Variants in SLC7A5 observed in about 807,000 individuals in gnomAD.
The protein encoded by SLC7A5 is solute carrier family 7 member 5.
Under a neutral mutation model 50.2 loss-of-function variants are expected in SLC7A5, and 23 were observed. The ratio of observed to expected loss-of-function variants is 0.46; its 90% CI spans 0.33 to 0.65. The LOEUF is 0.65. Among genes scored for constraint, SLC7A5 ranks in the 30% least tolerant of loss-of-function variants. The probability of loss-of-function intolerance (pLI) is 0.02; values close to 1 mark genes in which losing one functional copy is unlikely to be tolerated. For synonymous variants in SLC7A5, 393 were observed against 330.6 expected, an observed-to-expected ratio of 1.19 and a Z score of -2.05; for missense variants, 578 against 684.4, an observed-to-expected ratio of 0.84 and a Z score of 1.73.
intron 8 of SLC7A5, among the ~76,000 whole-genome samples, chr16:87,835,720 C>T (rs974430901): frequency 2.1e-4 from 32 of 152,026 alleles, no homozygotes; most frequent in Admixed American, 9.8e-4. Context: ...GTGATCTGCC[C>T]GCCTCGGCCT....
At chr16:87,864,612 C>T (rs1383204976) in intron 1 of SLC7A5, among the ~76,000 whole-genome samples, 11 of 152,210 alleles carry the variant, frequency 7.2e-5, no homozygotes, top group Admixed American at 7.2e-4. Flanking sequence ...GACCCCTGAC[C>T]CGGTGACAGA....
intron 2 of SLC7A5, among the ~76,000 whole-genome samples, chr16:87,846,501 C>T (rs2055155801): frequency 6.6e-6 from 1 of 152,230 alleles, no homozygotes; most frequent in Non-Finnish European, 1.5e-5. Flanking sequence ...TGTACGTGGA[C>T]ATGGGGCCTC....
At position 87,852,982 on chromosome 16, in the gene SLC7A5, C is replaced by T. The variant is rs566970671; in HGVS notation, c.539-1133G>A. ...TGAAATCTGCCAGTGGGAACGTCTA[C>T]ACCCCAGAAGTGGGCAAAGGCCCAG... is the stretch of plus-strand genomic sequence containing the variant. On this transcript the variant is annotated intron_variant, in intron 1 of 9. Transcript: ENST00000261622. This position sits in a 1 kb window ranked among gnomAD's most constrained non-coding sequence, Gnocchi z 4.5. Among the ~76,000 whole-genome samples, 26 of 152,344 alleles carry T rather than the reference C, an allele frequency of 1.7e-4. No homozygotes were observed. Among genetic ancestry groups the T allele is most frequent in the African/African-American group, 5.8e-4 (24 of 41,578 alleles).
intron 2 of SLC7A5, among the ~76,000 whole-genome samples, chr16:87,844,496 G>C (rs2055124508): frequency 6.6e-6 from 1 of 152,208 alleles, no homozygotes; most frequent in African/African-American, 2.4e-5. Context: ...CTGCTGACGG[G>C]GCCCAGGGAC....
At chr16:87,840,248 G>A (rs991051716) in intron 4 of SLC7A5, among the ~76,000 whole-genome samples, 181 bp downstream of exon 4, 21 of 152,224 alleles carry the variant, frequency 1.4e-4, no homozygotes, top group African/African-American at 5.1e-4. Flanking sequence ...TGGAGAAACC[G>A]TGCTCAAGGA....
chr16:87,849,913 G>C (rs1192365529), intron 2 of SLC7A5, among the ~76,000 whole-genome samples: 2 of 152,170 alleles, frequency 1.3e-5, no homozygotes, highest in African/African-American at 4.8e-5. Flanking sequence ...TGGGAATCAA[G>C]TGGGACTTCC....
In SLC7A5 at chr16:87,853,621, G is replaced by A. The variant is rs1179288765; in HGVS notation, c.539-1772C>T. 6.6e-6 allele frequency among the ~76,000 whole-genome samples: 1 copy of A among 152,198 alleles called. No individual in the cohort carries two copies. The highest frequency in any genetic ancestry group is 2.4e-5 in the African/African-American group (1 of 41,426). On this transcript the variant is annotated intron_variant, in intron 1 of 9. Coordinates refer to ENST00000261622, the MANE Select transcript of SLC7A5 (RefSeq NM_003486.7). The surrounding 1 kb of genome is among the most constrained non-coding windows in gnomAD (Gnocchi z 4.4). The stretch of plus-strand genomic sequence containing the variant: ...TGTCCGCTGCACAGGGCAAGGGGCA[G>A]GTCCTGGCTTGCCAGTCCCATTTCC...
At chr16:87,834,004 CCACTA>C (rs1363765106) in intron 9 of SLC7A5, among the ~76,000 whole-genome samples, 1 of 152,100 alleles carries the variant, frequency 6.6e-6, no homozygotes, top group Non-Finnish European at 1.5e-5. Context: ...CAGGTGTGTG[CCACTA>C]CACCCAGCTG....
rs370835904 is a variant in SLC7A5, at chr16:87,860,341, TACACACACACACACACAC to T, written c.539-8510_539-8493del. 5.0e-3 allele frequency among the ~76,000 whole-genome samples: 429 copies of T among 86,180 alleles called. 15 individuals are homozygous for T. The highest frequency in any genetic ancestry group is 0.014 in the African/African-American group (282 of 19,936). 56.5% of individuals were successfully genotyped at this position (86,180 alleles called of 152,430 possible). A position where few individuals can be genotyped will look rare whatever the true frequency, so the allele number is the denominator to read the frequency against. On this transcript the variant is annotated intron_variant, in intron 1 of 9. Transcript: ENST00000261622. The surrounding 1 kb of genome is among the most constrained non-coding windows in gnomAD (Gnocchi z 4.8). ...AAAGCATCTCAAAAAAAAAAAAAAA[TACACACACACACACACAC>T]ACACACACACACACACACACACACA... is the stretch of plus-strand genomic sequence containing the variant.
At position 87,841,336 on chromosome 16, in the gene SLC7A5, C is replaced by A. The variant is rs1388693447; in HGVS notation, c.665-181G>T. Among the ~76,000 whole-genome samples, 1 of 152,176 alleles carries A rather than the reference C, an allele frequency of 6.6e-6. No individual in the cohort carries two copies. The highest frequency in any genetic ancestry group is 1.5e-5 in the Non-Finnish European group (1 of 67,996). ...CATGGAGGGTGCAGGGTTCCAACCA[C>A]AACCAGGGGGATGTGGCCCTGCCAG... is the stretch of plus-strand genomic sequence containing the variant. On this transcript the variant is annotated intron_variant, in intron 2 of 9. Transcript: ENST00000261622. The surrounding 1 kb of genome is among the most constrained non-coding windows in gnomAD (Gnocchi z 4.8).
At chr16:87,846,120 G>A (rs979907921) in intron 2 of SLC7A5, among the ~76,000 whole-genome samples, 13 of 152,336 alleles carry the variant, frequency 8.5e-5, no homozygotes, top group African/African-American at 3.1e-4. Context: ...GGCAGCCAAC[G>A]CCGCAGCCCT....
chr16:87,838,429 C>T (rs1332634802), intron 6 of SLC7A5, among the ~76,000 whole-genome samples: 1 of 151,926 alleles, frequency 6.6e-6, no homozygotes, highest in African/African-American at 2.4e-5. Flanking sequence ...GTAGCTGGGA[C>T]TACGGGCACG....
At chr16:87,834,662 T>G in intron 8 of SLC7A5, 71 bp from the exon 9 acceptor site, 2 of 1,512,086 alleles carry the variant, frequency 1.3e-6, no homozygotes, top group Non-Finnish European at 1.8e-6. Context: ...CCGAGGTTCC[T>G]CAGCCCTCCT....
chr16:87,834,421 C>T lies in SLC7A5; in HGVS notation c.1461G>A (p.Gln487=), dbSNP rs764566321. The T allele has an allele frequency of 2.7e-5, 42 of 1,553,818 alleles. No homozygotes were observed. Among genetic ancestry groups the T allele is most frequent in the Non-Finnish European group, 3.6e-5 (41 of 1,148,328 alleles). Reference sequence around the variant, plus strand: ...GGCCAGCGAGATACTCACAGATGCCCTGGAGGAGCCACTTGGGCTTGTTTT... The same window carrying T: ...GGCCAGCGAGATACTCACAGATGCCTTGGAGGAGCCACTTGGGCTTGTTTT... ...WWKNKPKWLL[Q]GIFSTTVLCQ... The change falls in exon 9 of 10, where the codon CAG becomes CAA. Residue 487 remains glutamine (Q), a synonymous_variant. Transcript: ENST00000261622.
intron 6 of SLC7A5, among the ~76,000 whole-genome samples, chr16:87,838,367 C>T (rs1345810262): frequency 6.7e-6 from 1 of 148,994 alleles, no homozygotes; most frequent in African/African-American, 2.5e-5. Context: ...TCTCGGCTCA[C>T]TGCAGTCTCA....
In SLC7A5 at chr16:87,869,434, C is replaced by T; in HGVS notation, c.-12G>A. On this transcript the variant is annotated 5_prime_UTR_variant, in exon 1 of 10. Transcript: ENST00000261622. ...CCCGCACCCGCCATGCTCTGCGCAC[C>T]GGCCGGGCCTGGGACACCCGGGAGC... is the stretch of plus-strand genomic sequence containing the variant. The T allele has an allele frequency of 6.9e-7, 1 of 1,439,838 alleles. No individual in the cohort carries two copies. The highest frequency in any genetic ancestry group is 9.0e-7 in the Non-Finnish European group (1 of 1,108,000). 89.2% of individuals were successfully genotyped at this position (1,439,838 alleles called of 1,614,324 possible).
chr16:87,867,625 T>C (rs936153035), intron 1 of SLC7A5, among the ~76,000 whole-genome samples: 42 of 147,046 alleles, frequency 2.9e-4, no homozygotes, highest in Non-Finnish European at 5.2e-4. Context: ...CAGAAGCCAC[T>C]CCCCTGATTT....
chr16:87,834,596 G>T lies in SLC7A5; in HGVS notation c.1291-5C>A. 6.3e-7 allele frequency: 1 copy of T among 1,581,882 alleles called. No homozygotes were observed. Among genetic ancestry groups the T allele is most frequent in the South Asian group, 1.2e-5 (1 of 86,178 alleles). On this transcript the variant is annotated splice_region_variant and splice_polypyrimidine_tract_variant and intron_variant, in intron 8 of 9. Coordinates refer to ENST00000261622, the MANE Select transcript of SLC7A5 (RefSeq NM_003486.7). ...CACAGGCAGGGCCAGGTTCACCTGG[G>T]GCAGAGGACAGGGCCTGGGTGAGCC...
chr16:87,865,836 AC>A (rs1011703875), intron 1 of SLC7A5, among the ~76,000 whole-genome samples: 3 of 150,508 alleles, frequency 2.0e-5, no homozygotes, highest in African/African-American at 7.4e-5. Context: ...TAGAATCCAC[AC>A]CCCGCCGGGT....
Sources: gnomAD v4.1 joint callset for allele counts (sites outside exome capture counted in the v4.1 genomes callset) on GRCh38, gnomAD v4.1.1 for gene constraint, Gnocchi (gnomAD v3.1) non-coding constraint, MANE v1.5 for transcripts, NCBI Gene and HGNC (gene_info 2026-07-23, HGNC 2026-07-21) for gene names.